Variants in PTN observed in about 807,000 individuals in gnomAD.
PTN encodes heparin affin regulatory protein.
PTN carries 18 observed loss-of-function variants against 24.1 expected under a neutral mutation model. The observed-to-expected ratio is 0.75, with a 90% CI of 0.52 to 1.11. PTN has a LOEUF of 1.11. Ranked by LOEUF, PTN falls within the 50% of genes least tolerant of loss-of-function variation. PTN has a pLI of 0.00. For synonymous variants in PTN, 78 were observed against 68.6 expected (o/e 1.14, Z -0.67); for missense variants, 163 against 198.8 (o/e 0.82, Z 1.08).
chr7:137,326,031 C>T (rs1368118233), intron 1 of PTN: 1 of 152,156 alleles, frequency 6.6e-6, no homozygotes, highest in African/African-American at 2.4e-5. Context: ...GGTCTTACCA[C>T]ATTTTCTAAT....
Position 137,290,997 on chromosome 7 carries a change from T to A in PTN, c.-1-36023A>T, listed in dbSNP as rs530445212. ...GGGTTTGTAAAAGTTTGAACTATGG[T>A]TTCAAAATGATTGAAGCTGAATGAT... On this transcript the variant is annotated intron_variant, in intron 1 of 4. Coordinates refer to ENST00000348225, the MANE Select transcript of PTN (RefSeq NM_002825.7). 1.4e-4 allele frequency among the ~76,000 whole-genome samples: 21 copies of A among 152,350 alleles called. No homozygotes were observed. In the South Asian group the frequency reaches 4.3e-3, roughly 32 times the overall value.
chr7:137,330,115 C>T (rs1003780514), intron 1 of PTN, among the ~76,000 whole-genome samples: 3 of 151,926 alleles, frequency 2.0e-5, no homozygotes, highest in East Asian at 3.9e-4. Context: ...GGTGAAACCC[C>T]GTCTTTACTA....
chr7:137,285,780 A>G (rs1377523412), intron 1 of PTN, among the ~76,000 whole-genome samples: 1 of 152,260 alleles, frequency 6.6e-6, no homozygotes, highest in African/African-American at 2.4e-5. Flanking sequence ...TCATGTATCT[A>G]GAAATATGTG....
intron 4 of PTN, among the ~76,000 whole-genome samples, chr7:137,248,287 C>T (rs1050386202): frequency 1.3e-5 from 2 of 152,104 alleles, no homozygotes; most frequent in African/African-American, 4.8e-5. Context: ...TTGGTTTAAA[C>T]TAGGAAAAAT....
chr7:137,302,608 G>A (rs564736218), intron 1 of PTN, among the ~76,000 whole-genome samples: 1 of 152,058 alleles, frequency 6.6e-6, no homozygotes. Context: ...ATGTTTTCCA[G>A]GTTAATATTT....
intron 4 of PTN, among the ~76,000 whole-genome samples, chr7:137,241,665 T>G (rs536569859): frequency 6.6e-6 from 1 of 152,270 alleles, no homozygotes; most frequent in African/African-American, 2.4e-5. Context: ...AAGAAAAGGA[T>G]AGAGTTAGAT....
At chr7:137,263,454 T>G (rs138235674) in intron 1 of PTN, among the ~76,000 whole-genome samples, 1 of 152,238 alleles carries the variant, frequency 6.6e-6, no homozygotes, top group African/African-American at 2.4e-5. Flanking sequence ...TCTATTTTGA[T>G]AGATAGCATT....
chr7:137,290,922 T>G (rs893843537), intron 1 of PTN, among the ~76,000 whole-genome samples: 3 of 152,212 alleles, frequency 2.0e-5, no homozygotes, highest in Non-Finnish European at 4.4e-5. Context: ...TTTCTCTTCA[T>G]CACACAACGT....
chr7:137,323,549 A>G (rs994321727), intron 1 of PTN, among the ~76,000 whole-genome samples: 1 of 152,132 alleles, frequency 6.6e-6, no homozygotes, highest in Non-Finnish European at 1.5e-5. Context: ...TTGAGTTTTT[A>G]CCCTTGGAAG....
intron 4 of PTN, among the ~76,000 whole-genome samples, chr7:137,232,836 T>C (rs1474078779): frequency 1.3e-5 from 2 of 151,906 alleles, no homozygotes; most frequent in African/African-American, 4.8e-5. Flanking sequence ...GTGAGTCTTA[T>C]GAGAGTTGAT....
intron 1 of PTN, chr7:137,326,217 C>T (rs543128505): frequency 7.9e-5 from 12 of 152,302 alleles, no homozygotes; most frequent in African/African-American, 2.4e-4. Context: ...CCTCAGAAGC[C>T]TGCACGTAGT....
At chr7:137,266,775 G>A (rs1585020521) in intron 1 of PTN, among the ~76,000 whole-genome samples, 1 of 141,510 alleles carries the variant, frequency 7.1e-6, no homozygotes, top group Non-Finnish European at 1.5e-5. Context: ...TTTTACTTTT[G>A]TTGAAAACCT....
chr7:137,274,517 C>T (rs1477306330), intron 1 of PTN, among the ~76,000 whole-genome samples: 1 of 152,040 alleles, frequency 6.6e-6, no homozygotes, highest in Admixed American at 6.6e-5. Context: ...CCCCTAGGCC[C>T]CCACCCCCCG....
Position 137,275,312 on chromosome 7 carries a change from T to A in PTN, c.-1-20338A>T, listed in dbSNP as rs538507208. On this transcript the variant is annotated intron_variant, in intron 1 of 4. Coordinates refer to ENST00000348225, the MANE Select transcript of PTN (RefSeq NM_002825.7). Reference sequence around the variant, plus strand: ...AAGAGACCAGTGTGAAGTATATAGGTCAGTTTAGTAATAAAAGAAGAAAGT... The same window carrying A: ...AAGAGACCAGTGTGAAGTATATAGGACAGTTTAGTAATAAAAGAAGAAAGT... 4.6e-5 allele frequency among the ~76,000 whole-genome samples: 7 copies of A among 152,262 alleles called. No homozygotes were observed. In the East Asian group the frequency reaches 1.4e-3, roughly 29 times the overall value.
intron 4 of PTN, among the ~76,000 whole-genome samples, chr7:137,246,153 C>T (rs1406042063): frequency 6.6e-6 from 1 of 152,158 alleles, no homozygotes; most frequent in Admixed American, 6.5e-5. Flanking sequence ...GCTCCATTCA[C>T]GGTAAGTGCC....
chr7:137,267,665 A>G (rs1039119013), intron 1 of PTN, among the ~76,000 whole-genome samples: 3 of 152,068 alleles, frequency 2.0e-5, no homozygotes, highest in Non-Finnish European at 4.4e-5. Context: ...CTTAGTTTGT[A>G]CCTGACCCGT....
At chr7:137,229,581 T>C (rs1475535844) in intron 4 of PTN, among the ~76,000 whole-genome samples, 3 of 151,790 alleles carry the variant, frequency 2.0e-5, no homozygotes, top group Admixed American at 2.0e-4. Flanking sequence ...GTCCTAATCT[T>C]CCTTTACTCA....
At chr7:137,269,029 A>G (rs932718457) in intron 1 of PTN, among the ~76,000 whole-genome samples, 1 of 152,202 alleles carries the variant, frequency 6.6e-6, no homozygotes, top group Non-Finnish European at 1.5e-5. Context: ...TGAATTGGCC[A>G]TATAAATAAT....
chr7:137,274,841 T>C (rs1320390459), intron 1 of PTN, among the ~76,000 whole-genome samples: 2 of 152,116 alleles, frequency 1.3e-5, no homozygotes, highest in African/African-American at 4.8e-5. Context: ...TGACAGAAAA[T>C]CGTAAGGCAT....
Sources: gnomAD v4.1 joint callset for allele counts (sites outside exome capture counted in the v4.1 genomes callset) on GRCh38, gnomAD v4.1.1 for gene constraint, MANE v1.5 for transcripts, NCBI Gene and HGNC (gene_info 2026-07-23, HGNC 2026-07-21) for gene names.